Variants in GFRA1 observed in about 807,000 individuals in gnomAD.
GFRA1 encodes the protein GDNF family receptor alpha-1.
GFRA1 carries 16 observed loss-of-function variants against 51.6 expected under a neutral mutation model. The ratio of observed to expected loss-of-function variants is 0.31; its 90% CI spans 0.21 to 0.47. The LOEUF is 0.47. Among genes scored for constraint, GFRA1 ranks in the 20% least tolerant of loss-of-function variants. The pLI, the probability that GFRA1 is intolerant of heterozygous loss-of-function variation, is 1.00. For synonymous variants in GFRA1, 270 were observed against 241.3 expected, an observed-to-expected ratio of 1.12 and a Z score of -1.10; for missense variants, 530 against 594.3, an observed-to-expected ratio of 0.89 and a Z score of 1.13.
intron 9 of GFRA1, among the ~76,000 whole-genome samples, chr10:116,089,338 G>C (rs1956232936): frequency 6.6e-6 from 1 of 152,188 alleles, no homozygotes; most frequent in Non-Finnish European, 1.5e-5. Context: ...GCCATGTGAT[G>C]ATGACAAACT....
At chr10:116,201,480 G>A (rs913796791) in intron 5 of GFRA1, among the ~76,000 whole-genome samples, 2 of 152,030 alleles carry the variant, frequency 1.3e-5, no homozygotes, top group South Asian at 4.2e-4. Context: ...ACTTGTTTTG[G>A]TCTCCACCTC....
intron 5 of GFRA1, among the ~76,000 whole-genome samples, chr10:116,146,766 G>A (rs1189579330): frequency 3.3e-5 from 5 of 152,234 alleles, no homozygotes; most frequent in African/African-American, 9.6e-5. Context: ...AATCCTGCTG[G>A]ACAGAAGGGA....
chr10:116,203,497 C>T (rs1277192998), intron 5 of GFRA1, among the ~76,000 whole-genome samples: 2 of 152,222 alleles, frequency 1.3e-5, no homozygotes, highest in Non-Finnish European at 2.9e-5. Flanking sequence ...CAAATAATAA[C>T]AGCTCTGGCT....
At chr10:116,130,514 A>G (rs148129177) in intron 5 of GFRA1, among the ~76,000 whole-genome samples, 177 of 152,258 alleles carry the variant, frequency 1.2e-3, no homozygotes, top group African/African-American at 4.0e-3. Context: ...GGTTTACTAT[A>G]AAGCTTAAGT....
intron 5 of GFRA1, among the ~76,000 whole-genome samples, chr10:116,188,597 G>A (rs1050426993): frequency 1.3e-5 from 2 of 152,042 alleles, no homozygotes; most frequent in Non-Finnish European, 2.9e-5. Context: ...GTCCACTCAC[G>A]AGCGTATTAA....
chr10:116,088,863 G>T (rs1956209588), intron 9 of GFRA1, among the ~76,000 whole-genome samples: 1 of 140,366 alleles, frequency 7.1e-6, no homozygotes, highest in South Asian at 2.3e-4. Flanking sequence ...GGAGCTTGCA[G>T]TGAGCCGAGA....
Position 116,093,758 on chromosome 10 carries a change from T to C in GFRA1, c.959A>G (p.Asn320Ser), listed in dbSNP as rs371691108. 6.2e-7 allele frequency: 1 copy of C among 1,613,760 alleles called. No homozygotes were observed. The highest frequency in any genetic ancestry group is 8.5e-7 in the Non-Finnish European group (1 of 1,179,624). The change falls in exon 8 of 11, where the codon AAC becomes AGC. Residue 320 changes from asparagine to serine, a missense_variant. By Grantham distance (46) the Asn-to-Ser change is conservative. Transcript: ENST00000355422. ...AAATTTCAAGCACTCTTCTAGGTCGTTCCCACTGTTGCTGCAGTCACACCA... is the reference window on the plus strand; with the variant it reads ...AAATTTCAAGCACTCTTCTAGGTCGCTCCCACTGTTGCTGCAGTCACACCA... ...APWCDCSNSG[N>S]DLEECLKFLN...
At chr10:116,218,043 T>C (rs183852122) in intron 4 of GFRA1, among the ~76,000 whole-genome samples, 2 of 152,296 alleles carry the variant, frequency 1.3e-5, no homozygotes, top group East Asian at 1.9e-4. Flanking sequence ...CCCAAATCAA[T>C]TTTCAGATAT....
In GFRA1 at chr10:116,215,855, G is replaced by T. The variant is rs74160655; in HGVS notation, c.419-4210C>A. On this transcript the variant is annotated intron_variant, in intron 4 of 10. Transcript: ENST00000355422. ...CAATCATTCACATGGACAAAGGAAA[G>T]CCTGTTCTCCTGCCCACCCCCGGCT... 2.2e-3 allele frequency among the ~76,000 whole-genome samples: 329 copies of T among 152,258 alleles called. 3 individuals are homozygous for T. Among genetic ancestry groups the T allele is most frequent in the African/African-American group, 7.7e-3 (318 of 41,568 alleles).
chr10:116,214,129 A>T (rs1403774067), intron 4 of GFRA1, among the ~76,000 whole-genome samples: 1 of 152,090 alleles, frequency 6.6e-6, no homozygotes, highest in Non-Finnish European at 1.5e-5. Flanking sequence ...TGCTTCTGGA[A>T]CCCATAGTCT....
chr10:116,217,308 C>G (rs1358348030), intron 4 of GFRA1, among the ~76,000 whole-genome samples: 1 of 152,206 alleles, frequency 6.6e-6, no homozygotes, highest in Non-Finnish European at 1.5e-5. Context: ...ACATTCCTAT[C>G]TATAAAATGG....
intron 9 of GFRA1, among the ~76,000 whole-genome samples, chr10:116,066,749 C>T (rs1049385368): frequency 3.9e-5 from 6 of 152,202 alleles, no homozygotes; most frequent in Non-Finnish European, 7.3e-5. Context: ...TCCCACAATG[C>T]TCCTTCCTCA....
At chr10:116,139,835 A>C (rs1237062523) in intron 5 of GFRA1, among the ~76,000 whole-genome samples, 2 of 152,240 alleles carry the variant, frequency 1.3e-5, no homozygotes, top group East Asian at 3.8e-4. Context: ...CTGCCCTTGC[A>C]CTAAATGGAT....
At chr10:116,093,559 G>A in intron 8 of GFRA1, 143 bp downstream of exon 8, 1 of 753,706 alleles carries the variant, frequency 1.3e-6, no homozygotes, top group Non-Finnish European at 2.3e-6. Context: ...GAGAAAGACA[G>A]ACAGAGAGAG....
Position 116,227,254 on chromosome 10 carries a change from A to G in GFRA1, c.419-15609T>C, listed in dbSNP as rs1966363552. On this transcript the variant is annotated intron_variant, in intron 4 of 10. Coordinates refer to ENST00000355422, the MANE Select transcript of GFRA1 (RefSeq NM_005264.8). ...AGGCTCTAGGGATCAAACTGTTATC[A>G]TTAAGTAGCTGGGCCAAGAACCCCT... 2.0e-5 allele frequency among the ~76,000 whole-genome samples: 3 copies of G among 152,236 alleles called. No individual in the cohort carries two copies. In the South Asian group the frequency reaches 6.2e-4, roughly 32 times the overall value.
upstream of GFRA1, among the ~76,000 whole-genome samples, chr10:116,273,785 CAA>C (rs1844121973): frequency 6.6e-6 from 1 of 152,202 alleles, no homozygotes; most frequent in Admixed American, 6.5e-5. Context: ...CTTCGGAACA[CAA>C]AGTTTTCCCC....
At chr10:116,191,557 C>A (rs544849301) in intron 5 of GFRA1, among the ~76,000 whole-genome samples, 28 of 152,154 alleles carry the variant, frequency 1.8e-4, no homozygotes, top group Non-Finnish European at 3.7e-4. Context: ...GAAAGGGCAA[C>A]TTACAAATTG....
chr10:116,093,553 A>C (rs1004675598), intron 8 of GFRA1, 149 bp downstream of exon 8: 121 of 736,374 alleles, frequency 1.6e-4, no homozygotes, highest in Admixed American at 1.2e-4. Flanking sequence ...GAAAGGGAGA[A>C]AGACAGACAG....
At chr10:116,198,322 C>T (rs143293889) in intron 5 of GFRA1, among the ~76,000 whole-genome samples, 178 of 152,232 alleles carry the variant, frequency 1.2e-3, no homozygotes, top group Non-Finnish European at 1.2e-3. Flanking sequence ...TGAACTTTTG[C>T]GGGCTTATGA....
Sources: allele counts gnomAD v4.1 joint callset (sites outside exome capture counted in the v4.1 genomes callset), GRCh38; gene constraint gnomAD v4.1.1; transcripts MANE v1.5; gene names NCBI Gene and HGNC (gene_info 2026-07-23, HGNC 2026-07-21).